Variants in CTNND2 observed in about 807,000 individuals in gnomAD.
CTNND2 encodes catenin delta 2, also known as catenin delta-2.
CTNND2 carries 22 observed loss-of-function variants against 144.4 expected under a neutral mutation model. The ratio of observed to expected loss-of-function variants is 0.15; its 90% CI spans 0.11 to 0.22. The LOEUF (loss-of-function observed/expected upper bound fraction) is 0.22. Ranked by LOEUF, CTNND2 falls within the 10% of genes least tolerant of loss-of-function variation. The pLI, the probability that CTNND2 is intolerant of heterozygous loss-of-function variation, is 1.00. For missense variants in CTNND2, 1,353 were observed against 1,618.8 expected (o/e 0.84, Z 2.82); for synonymous variants, 751 against 695.6 (o/e 1.08, Z -1.25).
chr5:11,870,699 G>A (rs1413645462), intron 1 of CTNND2, among the ~76,000 whole-genome samples: 1 of 152,166 alleles, frequency 6.6e-6, no homozygotes, highest in Non-Finnish European at 1.5e-5. Flanking sequence ...CTACCATTCT[G>A]CTCACTCAGT....
chr5:11,400,118 T>G (rs1760503805), intron 5 of CTNND2, among the ~76,000 whole-genome samples: 1 of 149,808 alleles, frequency 6.7e-6, no homozygotes, highest in Non-Finnish European at 1.5e-5. Context: ...TTAAATTATG[T>G]TTTTTTTTTC....
At chr5:11,902,109 G>A (rs904606838) in intron 1 of CTNND2, among the ~76,000 whole-genome samples, 1 of 152,172 alleles carries the variant, frequency 6.6e-6, no homozygotes, top group African/African-American at 2.4e-5. Context: ...TGTGATTAGT[G>A]TAATCAAAGG....
intron 17 of CTNND2, among the ~76,000 whole-genome samples, chr5:11,019,762 C>A (rs959078182): frequency 7.2e-5 from 11 of 152,160 alleles, no homozygotes; most frequent in Non-Finnish European, 7.3e-5. Context: ...ATACACAGTT[C>A]TTTACTGACA....
At chr5:11,832,094 T>A (rs187436458) in intron 1 of CTNND2, among the ~76,000 whole-genome samples, 73 of 152,002 alleles carry the variant, frequency 4.8e-4, no homozygotes, top group Non-Finnish European at 7.9e-4. Context: ...CCATCCTGGC[T>A]AACATGGTGA....
At chr5:11,287,458 T>C (rs1383848759) in intron 9 of CTNND2, among the ~76,000 whole-genome samples, 2 of 152,238 alleles carry the variant, frequency 1.3e-5, no homozygotes, top group Admixed American at 1.3e-4. Flanking sequence ...TCTCTCTTTT[T>C]ATATAGACAT....
chr5:11,899,931 G>A (rs959952051), intron 1 of CTNND2, among the ~76,000 whole-genome samples: 45 of 152,224 alleles, frequency 3.0e-4, no homozygotes, highest in Admixed American at 2.4e-3. Context: ...TTACACTAGG[G>A]AAACTTATTT....
intron 2 of CTNND2, among the ~76,000 whole-genome samples, chr5:11,566,342 A>G (rs1317365768): frequency 6.6e-6 from 1 of 152,232 alleles, no homozygotes; most frequent in Admixed American, 6.5e-5. Context: ...TATTATAGTT[A>G]AGAAATTAAC....
At chr5:11,699,606 G>C (rs1324468565) in intron 2 of CTNND2, among the ~76,000 whole-genome samples, 2 of 152,086 alleles carry the variant, frequency 1.3e-5, no homozygotes, top group East Asian at 3.9e-4. Flanking sequence ...GCAGAGAAAA[G>C]GGCCGAGATG....
intron 18 of CTNND2, among the ~76,000 whole-genome samples, chr5:10,995,520 A>C (rs1393106154): frequency 6.6e-6 from 1 of 152,224 alleles, no homozygotes; most frequent in Non-Finnish European, 1.5e-5. Flanking sequence ...AAAGATAATG[A>C]GAATTGGTGA....
chr5:11,313,097 G>A (rs1281223464), intron 9 of CTNND2, among the ~76,000 whole-genome samples: 1 of 152,186 alleles, frequency 6.6e-6, no homozygotes, highest in Non-Finnish European at 1.5e-5. Context: ...CAGAGCTTCT[G>A]TGTGTTTGGA....
chr5:10,980,976 G>A (rs1247184676), intron 21 of CTNND2, among the ~76,000 whole-genome samples: 1 of 151,894 alleles, frequency 6.6e-6, no homozygotes, highest in Non-Finnish European at 1.5e-5. Context: ...AAACCACCGT[G>A]GCACGTGTAT....
At chr5:11,114,802 T>C (rs1222961517) in intron 13 of CTNND2, among the ~76,000 whole-genome samples, 3 of 152,152 alleles carry the variant, frequency 2.0e-5, no homozygotes, top group African/African-American at 7.2e-5. Context: ...AAAGAAGGTG[T>C]ACTCATTCAA....
intron 18 of CTNND2, among the ~76,000 whole-genome samples, chr5:11,001,110 C>G (rs1279441282): frequency 6.6e-6 from 1 of 152,208 alleles, no homozygotes. Flanking sequence ...CCAATCACAC[C>G]TGATCACCCA....
intron 2 of CTNND2, among the ~76,000 whole-genome samples, chr5:11,576,284 T>C (rs1777965824): frequency 6.6e-6 from 1 of 152,100 alleles, no homozygotes; most frequent in Admixed American, 6.6e-5. Flanking sequence ...CAAATGTGAT[T>C]ATGTTACTCA....
At chr5:10,992,528 G>A (rs1738806956) in intron 19 of CTNND2, 23 bp downstream of exon 19, 1 of 1,613,372 alleles carries the variant, frequency 6.2e-7, no homozygotes, top group East Asian at 2.2e-5. Context: ...AAGCCTGGCT[G>A]GCTAGCCACG....
At chr5:11,508,402 G>A (rs1393267208) in intron 3 of CTNND2, 1 of 152,196 alleles carries the variant, frequency 6.6e-6, no homozygotes, top group Non-Finnish European at 1.5e-5. Flanking sequence ...TGAAACAACA[G>A]ATGTAGAGGT....
At chr5:11,743,021 CCTCACTT>C (rs1419780598) in intron 1 of CTNND2, among the ~76,000 whole-genome samples, 1 of 152,168 alleles carries the variant, frequency 6.6e-6, no homozygotes, top group African/African-American at 2.4e-5. Flanking sequence ...ATATATTCAT[CCTCACTT>C]CTCACTTTAC....
intron 2 of CTNND2, among the ~76,000 whole-genome samples, chr5:11,641,613 CGT>C (rs979605688): frequency 2.3e-4 from 33 of 144,442 alleles, no homozygotes; most frequent in African/African-American, 7.0e-4. Context: ...TATACATATA[CGT>C]GTGTGTATAC....
chr5:11,772,343 G>C (rs1789996751), intron 1 of CTNND2, among the ~76,000 whole-genome samples: 6 of 151,990 alleles, frequency 3.9e-5, no homozygotes, highest in African/African-American at 1.2e-4. Flanking sequence ...CAAGTGGTAG[G>C]GCTTTTTGTC....
Sources: gnomAD v4.1 joint callset for allele counts (sites outside exome capture counted in the v4.1 genomes callset) on GRCh38, gnomAD v4.1.1 for gene constraint, MANE v1.5 for transcripts, NCBI Gene and HGNC (gene_info 2026-07-23, HGNC 2026-07-21) for gene names.